The following TTC12 variants were observed in gnomAD, a reference collection of about 807,000 sequenced individuals.
TTC12 encodes tetratricopeptide repeat domain 12, also known as tetratricopeptide repeat protein 12.
A neutral mutation model predicts 90.1 loss-of-function variants in TTC12; 70 were observed. The ratio of observed to expected loss-of-function variants is 0.78; its 90% CI spans 0.64 to 0.95. TTC12 has a LOEUF of 0.95. TTC12 is among the 40% of genes least tolerant of loss of function. The pLI is 0.00. For synonymous variants in TTC12, 296 were observed against 311.5 expected (o/e 0.95, Z 0.53); for missense variants, 819 against 846.1 (o/e 0.97, Z 0.40).
downstream of TTC12, chr11:113,368,339 C>G: frequency 6.5e-7 from 1 of 1,547,464 alleles, no homozygotes; most frequent in South Asian, 1.2e-5. Context: ...ACTTGTTACC[C>G]CTAACACATG....
rs751314924 is a variant in TTC12 at position 113,363,937 on chromosome 11, G to A, written c.1816+10G>A. On this transcript the variant is annotated intron_variant, in intron 20 of 21. Transcript: ENST00000529221. The stretch of plus-strand genomic sequence containing the variant: ...ATAAGACTGGATAAAAGTAAGTGAT[G>A]ATTTCCTTAAGGGAGCCCTTGTCCC... 1 of 1,594,738 alleles carries A rather than the reference G, an allele frequency of 6.3e-7. No individual in the cohort carries two copies. The highest frequency in any genetic ancestry group is 8.6e-7 in the Non-Finnish European group (1 of 1,162,770).
At chr11:113,317,900 T>C (rs1947046494) in intron 2 of TTC12, among the ~76,000 whole-genome samples, 1 of 152,210 alleles carries the variant, frequency 6.6e-6, no homozygotes, top group Non-Finnish European at 1.5e-5. Context: ...ATGAAAATGT[T>C]CCATAATCCT....
At chr11:113,325,450 A>C in intron 5 of TTC12, 74 bp from the exon 6 acceptor site, 3 of 1,570,242 alleles carry the variant, frequency 1.9e-6, no homozygotes, top group Non-Finnish European at 2.6e-6. Context: ...AGAATTGGAA[A>C]ATCGGGGGAA....
chr11:113,342,555 G>A (rs1948738818), intron 12 of TTC12, among the ~76,000 whole-genome samples: 1 of 152,206 alleles, frequency 6.6e-6, no homozygotes, highest in Non-Finnish European at 1.5e-5. Context: ...CACTGAAAAT[G>A]GGGATAATGA....
In TTC12 at chr11:113,324,206, C is replaced by T. The variant is rs73574613; in HGVS notation, c.244+191C>T. 2,989 of 560,146 alleles carry T rather than the reference C, an allele frequency of 5.3e-3. 79 individuals carry two copies. The highest frequency in any genetic ancestry group is 0.05 in the African/African-American group (2,615 of 52,008). 34.7% of individuals were successfully genotyped at this position (560,146 alleles called of 1,614,324 possible). On this transcript the variant is annotated intron_variant, in intron 4 of 21. Transcript: ENST00000529221. Reference sequence around the variant, plus strand: ...CCTGAGAGGTTTTTCTTTATTTTCTCTTGGTCAACCTTTTGTAAACTCAAT... The same window carrying T: ...CCTGAGAGGTTTTTCTTTATTTTCTTTTGGTCAACCTTTTGTAAACTCAAT...
intron 21 of TTC12, 40 bp downstream of exon 21, chr11:113,365,100 AAG>A (rs1950139076): frequency 6.3e-7 from 1 of 1,582,936 alleles, no homozygotes; most frequent in Non-Finnish European, 8.7e-7. Flanking sequence ...CTATTGCAGA[AAG>A]AGCAGCTGAG....
At position 113,324,065 on chromosome 11, in the gene TTC12, T is replaced by A. The variant is rs894063384; in HGVS notation, c.244+50T>A. The A allele has an allele frequency of 2.0e-6, 3 of 1,474,784 alleles. No individual in the cohort carries two copies. In the Admixed American group the frequency reaches 5.1e-5, roughly 25 times the overall value. 91.4% of individuals were successfully genotyped at this position (1,474,784 alleles called of 1,614,324 possible). ...ATTTTCATTCTTTATATAGGACCAG[T>A]TTTGATTGATTGTAGCTCCCAGACC... On this transcript the variant is annotated intron_variant, in intron 4 of 21. Coordinates refer to ENST00000529221, the MANE Select transcript of TTC12 (RefSeq NM_017868.4).
At chr11:113,352,461 A>G (rs1949359004) in intron 16 of TTC12, among the ~76,000 whole-genome samples, 2 of 151,804 alleles carry the variant, frequency 1.3e-5, no homozygotes, top group Non-Finnish European at 2.9e-5. Context: ...TTATTTATTT[A>G]TTATTTAACT....
At chr11:113,354,775 A>G (rs1296630808) in intron 16 of TTC12, among the ~76,000 whole-genome samples, 1 of 152,218 alleles carries the variant, frequency 6.6e-6, no homozygotes, top group African/African-American at 2.4e-5. Flanking sequence ...CTATTTGTGT[A>G]TGTTGAACCA....
Position 113,323,457 on chromosome 11 carries a change from T to C in TTC12, c.222+6T>C, listed in dbSNP as rs782500129. The stretch of plus-strand genomic sequence containing the variant: ...CTCCACAAACTGCTATGAAGGTTTC[T>C]TTTTCTATTGAGAAGTTATATAAGT... On this transcript the variant is annotated splice_donor_region_variant and intron_variant, in intron 3 of 21. Transcript: ENST00000529221. The C allele has an allele frequency of 1.9e-6, 3 of 1,558,912 alleles. No individual in the cohort carries two copies. The highest frequency in any genetic ancestry group is 1.7e-6 in the Non-Finnish European group (2 of 1,158,788).
At chr11:113,368,604 G>A (rs1490578320), downstream of TTC12, 8 of 1,056,812 alleles carry the variant, frequency 7.6e-6, no homozygotes, top group Admixed American at 1.6e-4. Context: ...GCTGCTCACT[G>A]TCTTCATACA....
chr11:113,362,109 T>C lies in TTC12; in HGVS notation c.1615-292T>C, dbSNP rs12574694. Among the ~76,000 whole-genome samples, 99 of 152,244 alleles carry C rather than the reference T, an allele frequency of 6.5e-4. No homozygotes were observed. In the East Asian group the frequency reaches 0.012, roughly 18 times the overall value. On this transcript the variant is annotated intron_variant, in intron 18 of 21. Transcript: ENST00000529221. Reference sequence around the variant, plus strand: ...TCTCCTTATAAAGGGCCTGCTGATATCAGAGCTCTGGGAGGAATCACAAGG... The same window carrying C: ...TCTCCTTATAAAGGGCCTGCTGATACCAGAGCTCTGGGAGGAATCACAAGG...
intron 13 of TTC12, 63 bp downstream of exon 13, chr11:113,344,503 A>G: frequency 1.3e-6 from 2 of 1,507,018 alleles, no homozygotes; most frequent in Non-Finnish European, 1.8e-6. Context: ...AAGTTCAGGC[A>G]TGCCTGTCTC....
intron 13 of TTC12, among the ~76,000 whole-genome samples, chr11:113,348,807 A>T (rs1323737816): frequency 1.3e-5 from 2 of 152,214 alleles, no homozygotes; most frequent in Non-Finnish European, 2.9e-5. Context: ...AACAGGGCAA[A>T]GTACAGACTT....
At chr11:113,354,358 T>G (rs901585519) in intron 16 of TTC12, among the ~76,000 whole-genome samples, 4 of 152,238 alleles carry the variant, frequency 2.6e-5, no homozygotes, top group Non-Finnish European at 5.9e-5. Context: ...CAGGAGCTTT[T>G]GGGCCAAGAC....
intron 21 of TTC12, 46 bp downstream of exon 21, chr11:113,365,106 A>G (rs1241067072): frequency 6.4e-7 from 1 of 1,569,404 alleles, no homozygotes; most frequent in African/African-American, 1.3e-5. Flanking sequence ...CAGAAAGAGC[A>G]GCTGAGCTGA....
intron 16 of TTC12, among the ~76,000 whole-genome samples, chr11:113,355,860 C>T (rs1280742657): frequency 2.0e-5 from 3 of 152,102 alleles, no homozygotes; most frequent in African/African-American, 7.2e-5. Context: ...ATTTTACTTC[C>T]AAATATGATT....
At position 113,359,382 on chromosome 11, in the gene TTC12, TG is replaced by T; in HGVS notation, c.1468del (p.Asp490ThrfsTer14). The T allele has an allele frequency of 6.2e-7, 1 of 1,611,322 alleles. No individual in the cohort carries two copies. Among genetic ancestry groups the T allele is most frequent in the Non-Finnish European group, 8.5e-7 (1 of 1,177,884 alleles). ...CCCAAGGCCAGGTGTGAGGAGGATGTGGACCTGTTCAGAGAGGTTATCTACA... is the reference window on the plus strand; with the variant it reads ...CCCAAGGCCAGGTGTGAGGAGGATGTGACCTGTTCAGAGAGGTTATCTACA... ...LSLLARCEED[V>X]DLFREVIYTL... On this transcript the variant is annotated frameshift_variant, in exon 17 of 22. Coordinates refer to ENST00000529221, the MANE Select transcript of TTC12 (RefSeq NM_017868.4). LOFTEE classifies it high-confidence loss of function.
chr11:113,362,970 TGTGGTGAATCTAA>T (rs1950015719), intron 19 of TTC12, among the ~76,000 whole-genome samples: 2 of 152,122 alleles, frequency 1.3e-5, no homozygotes, highest in African/African-American at 4.8e-5. Context: ...GTGAGATGAG[TGTGGTGAATCTAA>T]GCAAGCCAGT....
Sources: gnomAD v4.1 joint callset for allele counts (sites outside exome capture counted in the v4.1 genomes callset) on GRCh38, gnomAD v4.1.1 for gene constraint, MANE v1.5 for transcripts, NCBI Gene and HGNC (gene_info 2026-07-23, HGNC 2026-07-21) for gene names.